The following CEMIP variants were observed in gnomAD, a reference collection of about 807,000 sequenced individuals.
CEMIP encodes the protein cell migration-inducing and hyaluronan-binding protein.
Under a neutral mutation model 156.9 loss-of-function variants are expected in CEMIP, and 105 were observed. That is an observed-to-expected ratio of 0.67 (90% CI 0.57 to 0.79). The LOEUF is 0.79. Ranked by LOEUF, CEMIP falls within the 30% of genes least tolerant of loss-of-function variation. The pLI is 0.00. For missense variants in CEMIP, 1,457 were observed against 1,769.4 expected, an observed-to-expected ratio of 0.82 and a Z score of 3.17; for synonymous variants, 676 against 668.4, an observed-to-expected ratio of 1.01 and a Z score of -0.17.
At chr15:80,803,406 C>G (rs1052375470) in intron 1 of CEMIP, among the ~76,000 whole-genome samples, 1 of 152,084 alleles carries the variant, frequency 6.6e-6, no homozygotes, top group Non-Finnish European at 1.5e-5. Flanking sequence ...TCAATTTTGA[C>G]CCAAAGTTCT....
At chr15:80,797,557 T>C in intron 1 of CEMIP, among the ~76,000 whole-genome samples, 1 of 152,234 alleles carries the variant, frequency 6.6e-6, no homozygotes, top group East Asian at 1.9e-4. Context: ...ACACTTTCGA[T>C]GTTAGTTGTG....
In CEMIP at chr15:80,906,633, G is replaced by T; in HGVS notation, c.1412-30G>T. 1 of 1,599,174 alleles carries T rather than the reference G, an allele frequency of 6.3e-7. No homozygotes were observed. Among genetic ancestry groups the T allele is most frequent in the Admixed American group, 1.7e-5 (1 of 59,578 alleles). On this transcript the variant is annotated intron_variant, in intron 12 of 29. Coordinates refer to ENST00000394685, the MANE Select transcript of CEMIP (RefSeq NM_001293298.2). This position sits in a 1 kb window ranked among gnomAD's most constrained non-coding sequence, Gnocchi z 4.3. ...ACTCAGTGGGCATGCAGTACCTGCT[G>T]TTGTTTACCGTCCTCCCTTTCTGCC...
intron 28 of CEMIP, among the ~76,000 whole-genome samples, chr15:80,944,509 G>A (rs1272148147): frequency 6.6e-6 from 1 of 152,174 alleles, no homozygotes; most frequent in East Asian, 1.9e-4. Flanking sequence ...CTGCTACATA[G>A]TAGGTGCTTA....
intron 1 of CEMIP, among the ~76,000 whole-genome samples, chr15:80,811,704 G>A (rs1896674859): frequency 6.6e-6 from 1 of 152,144 alleles, no homozygotes; most frequent in African/African-American, 2.4e-5. Flanking sequence ...ACAGGTGCTT[G>A]CCACTAGGCC....
At position 80,807,280 on chromosome 15, in the gene CEMIP, G is replaced by C. The variant is rs544911797; in HGVS notation, c.-176+27666G>C. ...GGGTCTCGTTCTGTCACCAAGGCTA[G>C]AGTGCAGTGGCACAATCATAGCTCA... On this transcript the variant is annotated intron_variant, in intron 1 of 29. Coordinates refer to ENST00000394685, the MANE Select transcript of CEMIP (RefSeq NM_001293298.2). Among the ~76,000 whole-genome samples, 5 of 149,034 alleles carry C rather than the reference G, an allele frequency of 3.4e-5. No homozygotes were observed. In the East Asian group the frequency reaches 9.9e-4, roughly 29 times the overall value.
chr15:80,936,752 C>T lies in CEMIP; in HGVS notation c.3088C>T (p.Leu1030=), dbSNP rs1901137264. 26 of 1,614,156 alleles carry T rather than the reference C, an allele frequency of 1.6e-5. No homozygotes were observed. The highest frequency in any genetic ancestry group is 2.2e-5 in the Non-Finnish European group (26 of 1,179,998). The change falls in exon 24 of 30, where the codon CTG becomes TTG. Residue 1030 remains leucine, a synonymous_variant. Transcript: ENST00000394685. The part of the protein sequence containing the change: ...KNDFPSHPLY[L]EGALTRSTHY... ...TGACTTCCCCAGCCACCCTCTTTACCTGGAGGGGGCGCTCACCAGGAGCAC... is the reference window on the plus strand; with the variant it reads ...TGACTTCCCCAGCCACCCTCTTTACTTGGAGGGGGCGCTCACCAGGAGCAC...
rs749003835 is a variant in CEMIP, at chr15:80,933,300, T to C, written c.2849T>C (p.Met950Thr). 6.9e-5 allele frequency: 112 copies of C among 1,614,064 alleles called. No homozygotes were observed. The highest frequency in any genetic ancestry group is 8.7e-5 in the Non-Finnish European group (103 of 1,180,034). The change falls in exon 23 of 30, where the codon ATG becomes ACG. Residue 950 changes from methionine (M) to threonine (T), a missense_variant. Around this residue, in one of 5 missense-constraint regions of CEMIP, gnomAD observed 798 missense variants for 980.1 expected, o/e 0.81. Transcript: ENST00000394685. ...EPGPWFNQLD[M>T]DGDKTSVFHD... ...GGGCCCTGGTTCAACCAGCTGGACA[T>C]GGATGGGGATAAGACATCTGTGTTC...
chr15:80,895,040 A>C lies in CEMIP; in HGVS notation c.1137A>C (p.Lys379Asn). ...TCAGCACCGAGGTTGTCTACAAAAAAGGCCAGGATTATAGGTTTGCTTGCT... is the reference window on the plus strand; with the variant it reads ...TCAGCACCGAGGTTGTCTACAAAAACGGCCAGGATTATAGGTTTGCTTGCT... ...VNLSTEVVYK[K>N]GQDYRFACYD... Residue 379 changes from lysine (K) to asparagine (N), a missense_variant, in exon 11 of 30, where the codon AAA (lysine) becomes AAC (asparagine). Physicochemically the swap from Lys to Asn is moderately conservative, Grantham distance 94. Around this residue, in one of 5 missense-constraint regions of CEMIP, gnomAD observed 280 missense variants for 300.3 expected, o/e 0.93. Coordinates refer to ENST00000394685, the MANE Select transcript of CEMIP (RefSeq NM_001293298.2). The C allele has an allele frequency of 6.2e-7, 1 of 1,614,226 alleles. No homozygotes were observed. Among genetic ancestry groups the C allele is most frequent in the Non-Finnish European group, 8.5e-7 (1 of 1,180,026 alleles).
At chr15:80,924,848 A>G in intron 18 of CEMIP, 142 bp downstream of exon 18, 1 of 784,614 alleles carries the variant, frequency 1.3e-6, no homozygotes, top group African/African-American at 1.7e-5. Flanking sequence ...TGCTGGGGGT[A>G]CAATGGTGAA....
At chr15:80,817,220 A>C (rs1896804755) in intron 1 of CEMIP, among the ~76,000 whole-genome samples, 1 of 152,152 alleles carries the variant, frequency 6.6e-6, no homozygotes, top group Non-Finnish European at 1.5e-5. Flanking sequence ...AGTGTCTGTC[A>C]TTTGAAGGAG....
intron 1 of CEMIP, among the ~76,000 whole-genome samples, chr15:80,859,123 C>T (rs752102610): frequency 6.6e-6 from 1 of 152,212 alleles, no homozygotes; most frequent in Non-Finnish European, 1.5e-5. Context: ...CTGCACCAAT[C>T]ACAGCAGCCA....
At chr15:80,824,952 T>A (rs1653367040) in intron 1 of CEMIP, among the ~76,000 whole-genome samples, 1 of 152,196 alleles carries the variant, frequency 6.6e-6, no homozygotes, top group Non-Finnish European at 1.5e-5. Flanking sequence ...TCAGCTTTTA[T>A]CATCAGATTG....
intron 14 of CEMIP, chr15:80,909,907 C>T (rs541262842): frequency 1.0e-4 from 30 of 296,296 alleles, no homozygotes; most frequent in South Asian, 1.0e-3. Flanking sequence ...CAAAATGGTA[C>T]CCCGCAAGCT....
chr15:80,886,565 TCTTTC>T (rs1436506894), intron 7 of CEMIP, among the ~76,000 whole-genome samples: 1 of 152,306 alleles, frequency 6.6e-6, no homozygotes, highest in Middle Eastern at 3.4e-3. Context: ...GGGGAAAATC[TCTTTC>T]CTTCTACTCT....
chr15:80,902,152 G>GTACCTAGC (rs892899302), intron 12 of CEMIP, among the ~76,000 whole-genome samples: 1 of 152,156 alleles, frequency 6.6e-6, no homozygotes, highest in African/African-American at 2.4e-5. Flanking sequence ...TGACCCTGGG[G>GTACCTAGC]TACCTAGCAC....
chr15:80,846,224 A>G (rs974968323), intron 1 of CEMIP, among the ~76,000 whole-genome samples: 2 of 152,070 alleles, frequency 1.3e-5, no homozygotes, highest in Non-Finnish European at 2.9e-5. Flanking sequence ...CGTTTCCCCC[A>G]TCCCCATAAA....
chr15:80,886,915 G>T (rs2141840136), intron 7 of CEMIP, among the ~76,000 whole-genome samples: 1 of 152,282 alleles, frequency 6.6e-6, no homozygotes, highest in Admixed American at 6.5e-5. Context: ...TCACATAAGG[G>T]TCTTAGACCT....
At chr15:80,803,705 A>G (rs1048286250) in intron 1 of CEMIP, among the ~76,000 whole-genome samples, 1 of 152,212 alleles carries the variant, frequency 6.6e-6, no homozygotes, top group South Asian at 2.1e-4. Flanking sequence ...ACGGTTCTAC[A>G]GACACATAGC....
chr15:80,905,484 G>A (rs147512100), intron 12 of CEMIP, among the ~76,000 whole-genome samples: 7 of 152,258 alleles, frequency 4.6e-5, no homozygotes, highest in South Asian at 4.1e-4. Flanking sequence ...ACCCTGCACC[G>A]TTCTTGAGAT....
Sources: allele counts gnomAD v4.1 joint callset (sites outside exome capture counted in the v4.1 genomes callset), GRCh38; gene constraint gnomAD v4.1.1; regional missense constraint gnomAD v4.1.1; non-coding constraint Gnocchi (gnomAD v3.1); transcripts MANE v1.5; gene names NCBI Gene and HGNC (gene_info 2026-07-23, HGNC 2026-07-21).